Variants in CACNA1D observed in about 807,000 individuals in gnomAD.
CACNA1D encodes the protein calcium voltage-gated channel subunit alpha1 D, also known as voltage-dependent L-type calcium channel subunit alpha-1D.
In CACNA1D, 55 loss-of-function variants were observed where a neutral mutation model predicts 257.1. The ratio of observed to expected loss-of-function variants is 0.21; its 90% CI spans 0.17 to 0.27. CACNA1D has a LOEUF of 0.27. Among genes scored for constraint, CACNA1D ranks in the 10% least tolerant of loss-of-function variants. The probability of loss-of-function intolerance (pLI) is 1.00; values close to 1 mark genes in which losing one functional copy is unlikely to be tolerated. For synonymous variants in CACNA1D, 980 were observed against 1,014.9 expected (o/e 0.97, Z 0.65); for missense variants, 1,876 against 2,784.0 (o/e 0.67, Z 7.34).
At chr3:53,713,083 C>A (rs1370997294) in intron 9 of CACNA1D, among the ~76,000 whole-genome samples, 1 of 152,186 alleles carries the variant, frequency 6.6e-6, no homozygotes, top group African/African-American at 2.4e-5. Flanking sequence ...TGGCTGGACC[C>A]CTGGCTTCCC....
chr3:53,747,174 C>T, intron 25 of CACNA1D, 128 bp from the exon 26 acceptor site: 1 of 797,090 alleles, frequency 1.3e-6, no homozygotes, highest in African/African-American at 1.7e-5. Context: ...TTATGCTCAG[C>T]TGTGTGACAG....
chr3:53,504,593 G>T (rs1209758331), intron 3 of CACNA1D, among the ~76,000 whole-genome samples: 1 of 152,154 alleles, frequency 6.6e-6, no homozygotes. Flanking sequence ...CATGGAAACG[G>T]TGCAACTCAG....
rs116657546 is a variant in CACNA1D, at chr3:53,617,781, C to T, written c.484-32998C>T. ...AGTGACTCAGGCACTCAGCTAGGGA[C>T]GCAGCTGGGGAGGTAGATATTTACA... On this transcript the variant is annotated intron_variant, in intron 3 of 47. Transcript: ENST00000350061. Among the ~76,000 whole-genome samples, 1,494 of 152,204 alleles carry T rather than the reference C, an allele frequency of 9.8e-3. 30 individuals are homozygous for T. The highest frequency in any genetic ancestry group is 0.034 in the African/African-American group (1,417 of 41,532).
Position 53,553,872 on chromosome 3 carries a change from T to C in CACNA1D, c.483+52152T>C, listed in dbSNP as rs568666491. On this transcript the variant is annotated intron_variant, in intron 3 of 47. Transcript: ENST00000350061. ...CCTTTGCAGTAGGAGCTTTCCATAC[T>C]AGATATGTTACCTAGAGACTTGTGT... Among the ~76,000 whole-genome samples, 29 of 151,164 alleles carry C rather than the reference T, an allele frequency of 1.9e-4. No individual in the cohort carries two copies. The South Asian group carries it at 5.1e-3, about 26-fold the overall frequency.
intron 30 of CACNA1D, chr3:53,762,688 T>C (rs1167638123): frequency 1.5e-5 from 7 of 452,488 alleles, no homozygotes; most frequent in Non-Finnish European, 3.1e-5. Flanking sequence ...AAGTCTGACA[T>C]AGAAGAGACT....
intron 8 of CACNA1D, among the ~76,000 whole-genome samples, chr3:53,688,581 G>A (rs1353923402): frequency 1.3e-5 from 2 of 152,154 alleles, no homozygotes; most frequent in African/African-American, 4.8e-5. Context: ...CTCCTCCTCG[G>A]AGGTCATTTC....
intron 35 of CACNA1D, 96 bp downstream of exon 35, chr3:53,776,141 G>A: frequency 1.8e-6 from 2 of 1,139,784 alleles, no homozygotes; most frequent in Non-Finnish European, 2.6e-6. Flanking sequence ...ATCGCCTGAG[G>A]ACAATTGATG....
At chr3:53,729,254 G>A (rs73840933) in intron 15 of CACNA1D, among the ~76,000 whole-genome samples, 3,357 of 152,298 alleles carry the variant, frequency 0.022, 121 homozygotes, top group African/African-American at 0.075. Flanking sequence ...ATTCACTTAC[G>A]TTTCTCTCCT....
chr3:53,801,381 C>T lies in CACNA1D; in HGVS notation c.5364C>T (p.Ser1788=). The T allele has an allele frequency of 6.2e-7, 1 of 1,614,138 alleles. No individual in the cohort carries two copies. Among genetic ancestry groups the T allele is most frequent in the African/African-American group, 1.3e-5 (1 of 75,032 alleles). ...EHVSENGHHS[S]HKHDREPQRR... ...TGTCTGAAAATGGGCATCATTCTTC[C>T]CACAAGCATGACCGGGAGCCTCAGA... Residue 1788 remains serine, a synonymous_variant, in exon 42 of 48, where the codon TCC becomes TCT. Transcript: ENST00000350061.
At chr3:53,761,147 T>A (rs1399530364) in intron 29 of CACNA1D, among the ~76,000 whole-genome samples, 3 of 152,036 alleles carry the variant, frequency 2.0e-5, no homozygotes, top group Non-Finnish European at 4.4e-5. Context: ...AGGAACCTGG[T>A]GCTATTTTCG....
At chr3:53,769,027 G>A (rs2095351151) in intron 30 of CACNA1D, among the ~76,000 whole-genome samples, 1 of 152,350 alleles carries the variant, frequency 6.6e-6, no homozygotes, top group South Asian at 2.1e-4. Flanking sequence ...TCCGCTGACT[G>A]TTGCTGTTTA....
At chr3:53,761,969 A>C (rs778159537) in intron 29 of CACNA1D, 29 bp from the exon 30 acceptor site, 2 of 1,517,740 alleles carry the variant, frequency 1.3e-6, no homozygotes, top group Admixed American at 3.3e-5. Context: ...ACATGCTCAT[A>C]AACATCTGCC....
intron 3 of CACNA1D, among the ~76,000 whole-genome samples, chr3:53,633,963 C>T (rs1221191541): frequency 1.3e-5 from 2 of 152,190 alleles, no homozygotes; most frequent in Non-Finnish European, 2.9e-5. Flanking sequence ...TCCGTTTTGT[C>T]TCACTAGGAT....
chr3:53,804,942 T>C, intron 44 of CACNA1D, 41 bp from the exon 45 acceptor site: 1 of 1,594,678 alleles, frequency 6.3e-7, no homozygotes, highest in South Asian at 1.1e-5. Context: ...GTGACAGAGC[T>C]TGTTACCTAG....
intron 28 of CACNA1D, among the ~76,000 whole-genome samples, chr3:53,752,185 G>A (rs1559625059): frequency 6.6e-6 from 1 of 152,152 alleles, no homozygotes; most frequent in Non-Finnish European, 1.5e-5. Context: ...TTTACCATGG[G>A]CCTCCTGTGG....
At chr3:53,758,872 C>T (rs1211773976) in intron 29 of CACNA1D, among the ~76,000 whole-genome samples, 1 of 152,072 alleles carries the variant, frequency 6.6e-6, no homozygotes, top group Non-Finnish European at 1.5e-5. Flanking sequence ...TGTATCTTAT[C>T]TTCTGGTTAC....
At chr3:53,536,465 A>AAAAG in intron 3 of CACNA1D, among the ~76,000 whole-genome samples, 1 of 152,180 alleles carries the variant, frequency 6.6e-6, no homozygotes, top group African/African-American at 2.4e-5. Flanking sequence ...AATGCATGGG[A>AAAAG]ACTACCAGGT....
chr3:53,759,464 C>T (rs965092739), intron 29 of CACNA1D, among the ~76,000 whole-genome samples: 2 of 152,180 alleles, frequency 1.3e-5, no homozygotes, highest in Non-Finnish European at 2.9e-5. Flanking sequence ...CAAATGCAGG[C>T]GGGGCTGGGG....
chr3:53,589,299 C>A (rs779022871), intron 3 of CACNA1D, among the ~76,000 whole-genome samples: 7 of 152,146 alleles, frequency 4.6e-5, no homozygotes, highest in Non-Finnish European at 8.8e-5. Flanking sequence ...AGCGAGCCTG[C>A]AGGAAAAGCT....
Sources: allele counts gnomAD v4.1 joint callset (sites outside exome capture counted in the v4.1 genomes callset), GRCh38; gene constraint gnomAD v4.1.1; transcripts MANE v1.5; gene names NCBI Gene and HGNC (gene_info 2026-07-23, HGNC 2026-07-21).